The following FGF1 variants were observed in gnomAD, a reference collection of about 807,000 sequenced individuals.
The protein encoded by FGF1 is fibroblast growth factor 1.
FGF1 carries 9 observed loss-of-function variants against 13.4 expected under a neutral mutation model. The ratio of observed to expected loss-of-function variants is 0.67; its 90% confidence interval spans 0.40 to 1.17. FGF1 has a LOEUF of 1.17. FGF1 is among the 50% of genes most tolerant of loss of function. FGF1 has a pLI of 0.01. For synonymous variants in FGF1, 93 were observed against 79.0 expected (o/e 1.18, Z -0.94); for missense variants, 156 against 192.7 (o/e 0.81, Z 1.13).
chr5:142,663,823 A>T (rs1449524895), intron 1 of FGF1, among the ~76,000 whole-genome samples: 1 of 152,230 alleles, frequency 6.6e-6, no homozygotes, highest in Admixed American at 6.5e-5. Context: ...AGACATGAAT[A>T]AGGCTTTCGA....
At chr5:142,631,664 C>G (rs972281817) in intron 1 of FGF1, among the ~76,000 whole-genome samples, 1 of 152,148 alleles carries the variant, frequency 6.6e-6, no homozygotes, top group Non-Finnish European at 1.5e-5. Flanking sequence ...GTAGCTTTAT[C>G]CTCACCAGGG....
intron 1 of FGF1, among the ~76,000 whole-genome samples, chr5:142,664,174 T>C (rs1172167576): frequency 1.3e-5 from 2 of 152,178 alleles, no homozygotes; most frequent in Non-Finnish European, 2.9e-5. Context: ...GTGTTCTTTT[T>C]TCCTGCAGTT....
chr5:142,672,001 T>C (rs1771551131), intron 1 of FGF1: 1 of 152,176 alleles, frequency 6.6e-6, no homozygotes, highest in Non-Finnish European at 1.5e-5. Flanking sequence ...CCTAACCCCA[T>C]TGTGGTGGAA....
At chr5:142,639,641 A>T (rs543236906) in intron 1 of FGF1, among the ~76,000 whole-genome samples, 15 of 152,084 alleles carry the variant, frequency 9.9e-5, no homozygotes, top group African/African-American at 3.6e-4. Flanking sequence ...GGTTCTAGAG[A>T]TCTATCGTAC....
intron 2 of FGF1, among the ~76,000 whole-genome samples, chr5:142,611,731 G>A (rs375490336): frequency 4.6e-5 from 7 of 152,242 alleles, no homozygotes; most frequent in East Asian, 3.9e-4. Context: ...TCCAGAGTAA[G>A]CAAATAATAG....
intron 1 of FGF1, among the ~76,000 whole-genome samples, chr5:142,659,770 G>A (rs1342960772): frequency 6.6e-6 from 1 of 152,194 alleles, no homozygotes; most frequent in Non-Finnish European, 1.5e-5. Context: ...CACAGCTGAG[G>A]GGTGCCATTG....
At chr5:142,677,433 A>T (rs905102199) in intron 1 of FGF1, among the ~76,000 whole-genome samples, 2 of 152,194 alleles carry the variant, frequency 1.3e-5, no homozygotes, top group African/African-American at 4.8e-5. Flanking sequence ...TCTAAGCATG[A>T]ATAATACCAC....
At chr5:142,628,544 A>C (rs368160169) in intron 1 of FGF1, among the ~76,000 whole-genome samples, 1 of 152,240 alleles carries the variant, frequency 6.6e-6, no homozygotes, top group Non-Finnish European at 1.5e-5. Context: ...GCCAATAACT[A>C]TGTCAGTAAA....
intron 3 of FGF1, 62 bp from the exon 4 acceptor site, chr5:142,595,546 C>T: frequency 7.1e-7 from 1 of 1,410,516 alleles, no homozygotes; most frequent in Non-Finnish European, 9.8e-7. Flanking sequence ...TGGGGGTCCC[C>T]ATTTACTAGC....
intron 1 of FGF1, among the ~76,000 whole-genome samples, chr5:142,643,925 C>G (rs1765594196): frequency 6.6e-6 from 1 of 152,208 alleles, no homozygotes; most frequent in South Asian, 2.1e-4. Context: ...TTAGCGCAAG[C>G]AATAAAAGTT....
intron 1 of FGF1, among the ~76,000 whole-genome samples, chr5:142,617,879 G>A (rs1760593191): frequency 6.6e-6 from 1 of 152,182 alleles, no homozygotes; most frequent in African/African-American, 2.4e-5. Context: ...ATTTGTTAAA[G>A]GGTAGAAATA....
chr5:142,689,289 C>A (rs1419692022), upstream of FGF1, among the ~76,000 whole-genome samples: 1 of 152,222 alleles, frequency 6.6e-6, no homozygotes, highest in Non-Finnish European at 1.5e-5. Context: ...GCATGCCACT[C>A]TCTCCCTCCA....
At chr5:142,671,424 TG>T (rs1209675201) in intron 1 of FGF1, among the ~76,000 whole-genome samples, 1 of 152,250 alleles carries the variant, frequency 6.6e-6, no homozygotes, top group East Asian at 1.9e-4. Flanking sequence ...GCTTTGTTTT[TG>T]CTTTAAGACA....
chr5:142,654,822 A>T (rs73284551), intron 1 of FGF1, among the ~76,000 whole-genome samples: 6,043 of 152,196 alleles, frequency 0.04, 419 homozygotes, highest in African/African-American at 0.14. Context: ...TTCACACGGG[A>T]CTGAGAGAGA....
intron 2 of FGF1, among the ~76,000 whole-genome samples, chr5:142,694,878 ATCTAATAAGAACTTCC>A (rs1752863058): frequency 2.6e-5 from 4 of 152,024 alleles, no homozygotes; most frequent in Non-Finnish European, 5.9e-5. Context: ...CCTGGGTAGA[ATCTAATAAGAACTTCC>A]CAGTAGAGGT....
Position 142,695,823 on chromosome 5 carries a change from A to G in FGF1, c.-35+1799T>C, listed in dbSNP as rs572554371. On this transcript the variant is annotated intron_variant, in intron 2 of 4. Transcript: ENST00000407758. The stretch of plus-strand genomic sequence containing the variant: ...AAACTAAGATACATGAAGTTCTTAA[A>G]GAACATATAAACAGTAAACTGCAAT... 2.6e-5 allele frequency among the ~76,000 whole-genome samples: 4 copies of G among 152,318 alleles called. No individual in the cohort carries two copies. The South Asian group carries it at 8.3e-4, about 32-fold the overall frequency.
At chr5:142,619,179 C>T (rs534897877) in intron 1 of FGF1, among the ~76,000 whole-genome samples, 37 of 152,232 alleles carry the variant, frequency 2.4e-4, no homozygotes, top group Admixed American at 9.2e-4. Context: ...CGTGATCCAC[C>T]CGCCTCAGCC....
Position 142,692,329 on chromosome 5 carries a change from CCT to C in FGF1, c.-35+5291_-35+5292del, listed in dbSNP as rs530173935. Among the ~76,000 whole-genome samples the C allele has an allele frequency of 2.6e-4, 39 of 152,178 alleles. 1 individual carries two copies. The highest frequency in any genetic ancestry group is 9.4e-4 in the African/African-American group (39 of 41,524). On this transcript the variant is annotated intron_variant, in intron 2 of 4. Transcript: ENST00000407758. ...TCCAGCCTGGATGACAGAGAAAGAC[CCT>C]GTCTCAAAAAGAATAGCAGCAACAA...
chr5:142,681,769 G>A (rs1386017089), intron 1 of FGF1, among the ~76,000 whole-genome samples: 1 of 152,116 alleles, frequency 6.6e-6, no homozygotes, highest in African/African-American at 2.4e-5. Flanking sequence ...TGTGACCTTA[G>A]CCAAACACCC....
Sources: gnomAD v4.1 joint callset for allele counts (sites outside exome capture counted in the v4.1 genomes callset) on GRCh38, gnomAD v4.1.1 for gene constraint, MANE v1.5 for transcripts, NCBI Gene and HGNC (gene_info 2026-07-23, HGNC 2026-07-21) for gene names.